GRIA2: variants seen among roughly 807,000 people sequenced by gnomAD.
GRIA2 encodes glutamate ionotropic receptor AMPA type subunit 2, also known as glutamate receptor 2.
A neutral mutation model predicts 97.3 loss-of-function variants in GRIA2; 14 were observed. The observed-to-expected ratio is 0.14, with a 90% CI of 0.10 to 0.23. The LOEUF (loss-of-function observed/expected upper bound fraction) is 0.23, where lower values mean the gene tolerates loss of function less well. Ranked by LOEUF, GRIA2 falls within the 10% of genes least tolerant of loss-of-function variation. The pLI is 1.00. For missense variants in GRIA2, 558 were observed against 1,069.8 expected, an observed-to-expected ratio of 0.52 and a Z score of 6.67; for synonymous variants, 412 against 387.8, an observed-to-expected ratio of 1.06 and a Z score of -0.73.
At position 157,302,600 on chromosome 4, in the gene GRIA2, T is replaced by A. The variant is rs1263485428; in HGVS notation, c.230-952T>A. Among the ~76,000 whole-genome samples the A allele has an allele frequency of 6.6e-5, 10 of 152,124 alleles. No homozygotes were observed. The East Asian group carries it at 1.9e-3, about 29-fold the overall frequency. ...ATTATAGTTCCTACCTCAAAAGTTA[T>A]CATGAGAAAAAAATGAATTAATGTA... On this transcript the variant is annotated intron_variant, in intron 2 of 15. Coordinates refer to ENST00000264426, the MANE Select transcript of GRIA2 (RefSeq NM_001083619.3).
intron 2 of GRIA2, among the ~76,000 whole-genome samples, chr4:157,298,559 G>A (rs1449055384): frequency 2.2e-5 from 3 of 134,462 alleles, no homozygotes; most frequent in African/African-American, 8.5e-5. Context: ...GGTTTTAGAA[G>A]TTTCCATATA....
chr4:157,316,506 G>T (rs534174260), intron 4 of GRIA2, among the ~76,000 whole-genome samples: 34 of 152,130 alleles, frequency 2.2e-4, no homozygotes, highest in African/African-American at 8.2e-4. Flanking sequence ...TTTCTCCCAG[G>T]GGGTGTAAGA....
At chr4:157,287,659 A>G (rs1732904994) in intron 2 of GRIA2, among the ~76,000 whole-genome samples, 1 of 151,670 alleles carries the variant, frequency 6.6e-6, no homozygotes, top group South Asian at 2.1e-4. Context: ...TATGAGTTCC[A>G]AGAGGTGACT....
chr4:157,337,967 A>G (rs1027210679), intron 11 of GRIA2, among the ~76,000 whole-genome samples: 1 of 145,072 alleles, frequency 6.9e-6, no homozygotes, highest in Non-Finnish European at 1.5e-5. Context: ...AAATATGCCA[A>G]TGGAATTTGC....
At chr4:157,345,424 T>C (rs1486042905) in intron 12 of GRIA2, among the ~76,000 whole-genome samples, 1 of 152,126 alleles carries the variant, frequency 6.6e-6, no homozygotes, top group Non-Finnish European at 1.5e-5. Context: ...TGATCATCCC[T>C]AATTATAGTG....
At chr4:157,335,493 A>G (rs1735240873) in intron 9 of GRIA2, 178 bp from the exon 10 acceptor site, 1 of 591,246 alleles carries the variant, frequency 1.7e-6, no homozygotes. Context: ...AGACATTCCG[A>G]GGCTTTCTGG....
At chr4:157,284,415 C>T (rs1425949225) in intron 2 of GRIA2, among the ~76,000 whole-genome samples, 1 of 151,676 alleles carries the variant, frequency 6.6e-6, no homozygotes, top group Non-Finnish European at 1.5e-5. Context: ...TTTCATATGC[C>T]CTGCTCTCCA....
intron 2 of GRIA2, among the ~76,000 whole-genome samples, chr4:157,293,628 T>C (rs150443406): frequency 3.3e-4 from 50 of 152,288 alleles, no homozygotes; most frequent in African/African-American, 1.2e-3. Context: ...TTTAAATTTG[T>C]GCTATAATAT....
At chr4:157,276,391 G>A (rs757886749) in intron 2 of GRIA2, among the ~76,000 whole-genome samples, 4 of 151,950 alleles carry the variant, frequency 2.6e-5, no homozygotes, top group Non-Finnish European at 4.4e-5. Context: ...AGTGCTTGGA[G>A]GGAAATTTAT....
chr4:157,277,866 A>ATATATGTATATATATGTG (rs2126806065), intron 2 of GRIA2, among the ~76,000 whole-genome samples: 1 of 146,080 alleles, frequency 6.8e-6, no homozygotes, highest in African/African-American at 2.5e-5. Flanking sequence ...ATATATATGT[A>ATATATGTATATATATGTG]TATATGTATA....
At chr4:157,221,626 G>T in intron 1 of GRIA2, 41 bp from the exon 2 acceptor site, 2 of 1,603,308 alleles carry the variant, frequency 1.2e-6, no homozygotes, top group Non-Finnish European at 1.7e-6. Context: ...CCCTCCCGGG[G>T]CACTGACACT....
intron 2 of GRIA2, among the ~76,000 whole-genome samples, chr4:157,232,751 T>C (rs1423969972): frequency 6.6e-6 from 1 of 152,174 alleles, no homozygotes; most frequent in East Asian, 1.9e-4. Flanking sequence ...ACACAAGTTT[T>C]TCATCTGCGA....
At chr4:157,236,737 T>C (rs1561003999) in intron 2 of GRIA2, among the ~76,000 whole-genome samples, 1 of 152,184 alleles carries the variant, frequency 6.6e-6, no homozygotes, top group East Asian at 1.9e-4. Flanking sequence ...TCTTATTGTT[T>C]ACATTTACTA....
chr4:157,229,516 T>A (rs904229665), intron 2 of GRIA2, among the ~76,000 whole-genome samples: 2 of 152,182 alleles, frequency 1.3e-5, no homozygotes, highest in African/African-American at 4.8e-5. Context: ...AGAAAGGGAA[T>A]TGGTGAGTAG....
intron 11 of GRIA2, among the ~76,000 whole-genome samples, chr4:157,340,212 A>T (rs534524272): frequency 1.3e-5 from 2 of 151,906 alleles, no homozygotes; most frequent in African/African-American, 4.8e-5. Flanking sequence ...GCCAATCATG[A>T]TCTAAATTTT....
intron 2 of GRIA2, among the ~76,000 whole-genome samples, chr4:157,267,926 A>T (rs1310492006): frequency 6.6e-6 from 1 of 152,110 alleles, no homozygotes; most frequent in Admixed American, 6.6e-5. Context: ...AGGAGAGATG[A>T]TCAAAGTTTA....
At chr4:157,268,445 G>A (rs181816916) in intron 2 of GRIA2, among the ~76,000 whole-genome samples, 1 of 151,946 alleles carries the variant, frequency 6.6e-6, no homozygotes, top group Non-Finnish European at 1.5e-5. Context: ...TTTTCTTATA[G>A]TGAAAAATAA....
At chr4:157,353,832 A>C (rs2126978553) in intron 12 of GRIA2, among the ~76,000 whole-genome samples, 1 of 152,298 alleles carries the variant, frequency 6.6e-6, no homozygotes, top group East Asian at 1.9e-4. Context: ...ATATTTTAAA[A>C]TTAGTTTTAT....
At chr4:157,342,399 G>A (rs555376014) in intron 12 of GRIA2, 3 of 984,034 alleles carry the variant, frequency 3.0e-6, no homozygotes, top group African/African-American at 3.5e-5. Flanking sequence ...GGGAGTGGGG[G>A]TGGTAGAACC....
Sources: allele counts gnomAD v4.1 joint callset (sites outside exome capture counted in the v4.1 genomes callset), GRCh38; gene constraint gnomAD v4.1.1; transcripts MANE v1.5; gene names NCBI Gene and HGNC (gene_info 2026-07-23, HGNC 2026-07-21).